Variants in KYNU observed in about 807,000 individuals in gnomAD.
KYNU encodes L-kynurenine hydrolase.
In KYNU, 54 loss-of-function variants were observed where a neutral mutation model predicts 59.2. The ratio of observed to expected loss-of-function variants is 0.91; its 90% confidence interval spans 0.73 to 1.14. The LOEUF is 1.14. Among genes scored for constraint, KYNU ranks in the 50% most tolerant of loss-of-function variants. The pLI, the probability that KYNU is intolerant of heterozygous loss-of-function variation, is 0.00. For synonymous variants in KYNU, 177 were observed against 192.0 expected, an observed-to-expected ratio of 0.92 and a Z score of 0.65; for missense variants, 567 against 554.4, an observed-to-expected ratio of 1.02 and a Z score of -0.23.
At chr2:142,957,799 C>T (rs1684220061) in intron 7 of KYNU, 84 bp downstream of exon 7, 14 of 852,054 alleles carry the variant, frequency 1.6e-5, no homozygotes, top group Non-Finnish European at 2.8e-5. Flanking sequence ...TTATTAAAAT[C>T]TTCATTACTT....
chr2:143,046,367 G>T lies in KYNU; in HGVS notation c.*4195G>T, dbSNP rs1410979952. On this transcript the variant is annotated 3_prime_UTR_variant, in exon 14 of 14. Coordinates refer to ENST00000264170, the MANE Select transcript of KYNU (RefSeq NM_003937.3). ...ATGTAGCTTTCCATTCATTTTCACT[G>T]CTGCTCAGTATTGTATTACAAATTT... is the stretch of plus-strand genomic sequence containing the variant. The T allele has an allele frequency of 1.3e-5, 2 of 152,034 alleles. No individual in the cohort carries two copies. Among genetic ancestry groups the T allele is most frequent in the African/African-American group, 4.8e-5 (2 of 41,378 alleles). 9.4% of individuals were successfully genotyped at this position (152,034 alleles called of 1,614,324 possible). A position where few individuals can be genotyped will look rare whatever the true frequency, so the allele number is the denominator to read the frequency against.
chr2:142,889,404 T>G (rs1047963999), intron 2 of KYNU, among the ~76,000 whole-genome samples: 1 of 152,146 alleles, frequency 6.6e-6, no homozygotes, highest in Non-Finnish European at 1.5e-5. Context: ...ACCTGTCATA[T>G]GAAAGTCTAT....
At chr2:142,958,545 A>G (rs572574979) in intron 7 of KYNU, among the ~76,000 whole-genome samples, 2 of 152,330 alleles carry the variant, frequency 1.3e-5, no homozygotes, top group East Asian at 3.9e-4. Flanking sequence ...TAAATTAAAG[A>G]TGTACTCTAT....
intron 2 of KYNU, among the ~76,000 whole-genome samples, chr2:142,900,101 G>A (rs962689963): frequency 7.9e-5 from 12 of 152,194 alleles, no homozygotes; most frequent in Admixed American, 6.5e-5. Context: ...GGTCACGGAA[G>A]AGAACCGTGG....
rs1316400963 is a variant in KYNU at position 143,046,803 on chromosome 2, A to C, written c.*4631A>C. On this transcript the variant is annotated 3_prime_UTR_variant, in exon 14 of 14. Transcript: ENST00000264170. ...TTTTTTTATATTTTTGAATACATCTAAATAAATTTAGAATAAATCTATTGT... is the reference window on the plus strand; with the variant it reads ...TTTTTTTATATTTTTGAATACATCTCAATAAATTTAGAATAAATCTATTGT... 1 of 152,052 alleles carries C rather than the reference A, an allele frequency of 6.6e-6. No homozygotes were observed. The allele number at this position is 152,052 out of a possible 1,614,324, so 9.4% of individuals were successfully genotyped here.
chr2:143,053,278 GTTT>G lies in KYNU; in HGVS notation c.*11108_*11110del, dbSNP rs1432351251. ...TTCTGGAGGCTCCAGGGAGAACTCTGTTTTCTTACCTTTTCTGGATTCTAGAGG... is the reference window on the plus strand; with the variant it reads ...TTCTGGAGGCTCCAGGGAGAACTCTGTCTTACCTTTTCTGGATTCTAGAGG... On this transcript the variant is annotated 3_prime_UTR_variant, in exon 14 of 14. Coordinates refer to ENST00000264170, the MANE Select transcript of KYNU (RefSeq NM_003937.3). 7.9e-5 allele frequency: 12 copies of G among 152,346 alleles called. No individual in the cohort carries two copies. The highest frequency in any genetic ancestry group is 5.2e-4 in the Admixed American group (8 of 15,296). The allele number at this position is 152,346 out of a possible 1,614,324, so 9.4% of individuals were successfully genotyped here.
intron 2 of KYNU, among the ~76,000 whole-genome samples, chr2:142,886,430 C>T (rs1433658495): frequency 6.6e-6 from 1 of 151,896 alleles, no homozygotes; most frequent in Non-Finnish European, 1.5e-5. Flanking sequence ...AGCTATGTAC[C>T]CAACAACCTA....
chr2:143,031,007 C>T (rs1311528044), intron 11 of KYNU, among the ~76,000 whole-genome samples: 2 of 152,168 alleles, frequency 1.3e-5, no homozygotes, highest in Admixed American at 1.3e-4. Context: ...TATGGGTAGT[C>T]GAAGTATGGC....
chr2:143,035,360 A>G (rs1317447319), intron 12 of KYNU, among the ~76,000 whole-genome samples: 1 of 152,210 alleles, frequency 6.6e-6, no homozygotes, highest in Non-Finnish European at 1.5e-5. Flanking sequence ...TGCTGAGACT[A>G]TGTTCTAACC....
At chr2:143,002,359 G>A (rs1031583216) in intron 10 of KYNU, among the ~76,000 whole-genome samples, 4 of 152,168 alleles carry the variant, frequency 2.6e-5, no homozygotes, top group Non-Finnish European at 5.9e-5. Context: ...TCAGTTCTGA[G>A]TTCTTTTTTC....
At position 142,934,003 on chromosome 2, in the gene KYNU, G is replaced by A. The variant is rs551265825; in HGVS notation, c.373+6262G>A. On this transcript the variant is annotated intron_variant, in intron 4 of 13. Transcript: ENST00000264170. ...ATTAGACAGAATTACGGAAAGTAAA[G>A]TATATGGGTTAGGAACTACTAGACA... 4.6e-5 allele frequency among the ~76,000 whole-genome samples: 7 copies of A among 152,288 alleles called. No individual in the cohort carries two copies. The South Asian group carries it at 8.3e-4, about 18-fold the overall frequency.
intron 2 of KYNU, among the ~76,000 whole-genome samples, chr2:142,893,918 T>G (rs573561004): frequency 3.3e-5 from 5 of 152,284 alleles, no homozygotes; most frequent in South Asian, 2.1e-4. Flanking sequence ...TCCATATTTT[T>G]GGGCAATATG....
intron 2 of KYNU, among the ~76,000 whole-genome samples, chr2:142,902,049 C>T (rs116759893): frequency 0.026 from 3,933 of 152,242 alleles, 171 homozygotes; most frequent in Admixed American, 0.11. Flanking sequence ...TTTAAGCAAA[C>T]GATTGTCTGA....
chr2:142,919,595 T>C (rs1682800328), intron 3 of KYNU, among the ~76,000 whole-genome samples: 1 of 152,220 alleles, frequency 6.6e-6, no homozygotes, highest in Non-Finnish European at 1.5e-5. Flanking sequence ...CCTTTCTTCA[T>C]TCTTCATGCT....
intron 10 of KYNU, among the ~76,000 whole-genome samples, chr2:143,003,420 A>G (rs1368934048): frequency 6.7e-6 from 1 of 150,240 alleles, no homozygotes; most frequent in South Asian, 2.1e-4. Context: ...AAAAAATCAT[A>G]ATAATAAAAT....
chr2:143,026,669 A>T lies in KYNU; in HGVS notation c.903-2958A>T, dbSNP rs373753418. Among the ~76,000 whole-genome samples the T allele has an allele frequency of 4.5e-4, 68 of 152,140 alleles. 2 individuals are homozygous for T. Among genetic ancestry groups the T allele is most frequent in the African/African-American group, 1.6e-3 (65 of 41,510 alleles). ...GAACTCCATGCAGGCCCCACAGCAG[A>T]CTCCAACCGGGGGTGCCTGCGACTC... On this transcript the variant is annotated intron_variant, in intron 10 of 13. Coordinates refer to ENST00000264170, the MANE Select transcript of KYNU (RefSeq NM_003937.3).
intron 4 of KYNU, among the ~76,000 whole-genome samples, chr2:142,932,949 A>G (rs1683275445): frequency 6.6e-6 from 1 of 152,168 alleles, no homozygotes. Flanking sequence ...AGGTAAGAGC[A>G]TGGCTGGGTT....
In KYNU at chr2:142,986,000, A is replaced by G. The variant is rs1255539529; in HGVS notation, c.881A>G (p.His294Arg). Residue 294 changes from histidine to arginine, a missense_variant, in exon 10 of 14, where the codon CAT becomes CGT. Coordinates refer to ENST00000264170, the MANE Select transcript of KYNU (RefSeq NM_003937.3). ...GIAGAFIHEK[H>R]AHTIKPALVG... is the part of the protein sequence containing the mutation. ...GCTGGTGCCTTCATTCATGAAAAGC[A>G]TGCCCATACGATTAAACCTGCGTGA... is the stretch of plus-strand genomic sequence containing the variant. 4.3e-6 allele frequency: 7 copies of G among 1,610,462 alleles called. No individual in the cohort carries two copies. Among genetic ancestry groups the G allele is most frequent in the Admixed American group, 1.7e-5 (1 of 59,760 alleles).
chr2:143,029,797 C>A, intron 11 of KYNU, 118 bp downstream of exon 11: 1 of 681,656 alleles, frequency 1.5e-6, no homozygotes. Context: ...AAAAATGTCA[C>A]TGAGAATTCT....
Sources: gnomAD v4.1 joint callset for allele counts (sites outside exome capture counted in the v4.1 genomes callset) on GRCh38, gnomAD v4.1.1 for gene constraint, MANE v1.5 for transcripts, NCBI Gene and HGNC (gene_info 2026-07-23, HGNC 2026-07-21) for gene names.